Variants in HAPSTR1 observed in about 807,000 individuals in gnomAD.
HAPSTR1 encodes HUWE1-associated protein modifying stress responses 1.
chr16:9,112,573 C>G, the HAPSTR1 span: 2 of 152,312 alleles, frequency 1.3e-5, no homozygotes, highest in African/African-American at 4.8e-5. Flanking sequence ...GATGACTGGG[C>G]TGGCATTTGT....
the HAPSTR1 span, chr16:9,111,050 C>CA: frequency 0.68 from 103,054 of 152,194 alleles, 36,341 homozygotes; most frequent in African/African-American, 0.89. Context: ...AAAAACAAAA[C>CA]AAAAACCTGT....
chr16:9,103,962 G>C, the HAPSTR1 span: 1 of 152,178 alleles, frequency 6.6e-6, no homozygotes, highest in Admixed American at 6.5e-5. Flanking sequence ...CTTCCAAATA[G>C]AGCTGGGAGA....
At chr16:9,111,437 C>G in the HAPSTR1 span, 1 of 152,184 alleles carries the variant, frequency 6.6e-6, no homozygotes, top group Non-Finnish European at 1.5e-5. Flanking sequence ...TTTGTTCAAA[C>G]CAGCCCCTGA....
the HAPSTR1 span, among the ~76,000 whole-genome samples, chr16:9,097,366 T>C: frequency 6.6e-6 from 1 of 151,466 alleles, no homozygotes; most frequent in African/African-American, 2.4e-5. Flanking sequence ...CCTCAGCCAC[T>C]GAGTAGCTGG....
At chr16:9,116,929 C>A in the HAPSTR1 span, 3 of 1,611,738 alleles carry the variant, frequency 1.9e-6, no homozygotes, top group Non-Finnish European at 2.5e-6. Context: ...AACATTTTCA[C>A]ACCCACCATG....
the HAPSTR1 span, among the ~76,000 whole-genome samples, chr16:9,092,499 G>C: frequency 1.3e-5 from 2 of 152,128 alleles, no homozygotes; most frequent in African/African-American, 4.8e-5. Flanking sequence ...GCCCCGCTTT[G>C]GGGTGGTCCG....
At chr16:9,100,970 A>C in the HAPSTR1 span, among the ~76,000 whole-genome samples, 1 of 152,196 alleles carries the variant, frequency 6.6e-6, no homozygotes, top group Non-Finnish European at 1.5e-5. Flanking sequence ...AAATACCCTC[A>C]TTCTCTTCAG....
the HAPSTR1 span, chr16:9,105,401 C>T: frequency 2.6e-5 from 4 of 152,136 alleles, no homozygotes; most frequent in East Asian, 3.8e-4. Flanking sequence ...AGTAATAGGG[C>T]CCCTTGAAAG....
At chr16:9,111,066 T>C in the HAPSTR1 span, 1 of 152,202 alleles carries the variant, frequency 6.6e-6, no homozygotes, top group Non-Finnish European at 1.5e-5. Flanking sequence ...CCTGTTGGTA[T>C]AGTACGAAAG....
At chr16:9,115,145 G>A in the HAPSTR1 span, among the ~76,000 whole-genome samples, 1 of 152,292 alleles carries the variant, frequency 6.6e-6, no homozygotes, top group South Asian at 2.1e-4. Flanking sequence ...TGATAGTGGA[G>A]GCCATGGATT....
chr16:9,117,217 CAAAGGG>C, the HAPSTR1 span: 2 of 259,596 alleles, frequency 7.7e-6, no homozygotes, highest in Non-Finnish European at 1.5e-5. Flanking sequence ...TATTTATTCT[CAAAGGG>C]AAAGGAAATA....
chr16:9,102,131 TAATC>T, the HAPSTR1 span, among the ~76,000 whole-genome samples: 1 of 151,994 alleles, frequency 6.6e-6, no homozygotes, highest in Non-Finnish European at 1.5e-5. Flanking sequence ...TAAAACGAAA[TAATC>T]AAAGCCGGGA....
chr16:9,103,955 C>G, the HAPSTR1 span: 1 of 152,092 alleles, frequency 6.6e-6, no homozygotes, highest in Non-Finnish European at 1.5e-5. Context: ...ATACAGACTT[C>G]CAAATAGAGC....
At chr16:9,091,916 C>T in the HAPSTR1 span, 4 of 770,838 alleles carry the variant, frequency 5.2e-6, no homozygotes, top group Non-Finnish European at 7.4e-6. Flanking sequence ...GCCTGGGCCG[C>T]TGAAAGGAGA....
At chr16:9,092,266 C>T in the HAPSTR1 span, 1 of 1,547,398 alleles carries the variant, frequency 6.5e-7, no homozygotes, top group South Asian at 1.2e-5. Context: ...CCCAGCTCTA[C>T]AAAGGTGAGG....
the HAPSTR1 span, chr16:9,119,617 A>G: frequency 6.6e-6 from 1 of 152,254 alleles, no homozygotes; most frequent in African/African-American, 2.4e-5. Flanking sequence ...AAAGACCTGC[A>G]GTCAGATTCT....
the HAPSTR1 span, chr16:9,092,228 C>G: frequency 1.9e-6 from 3 of 1,585,524 alleles, no homozygotes; most frequent in African/African-American, 1.3e-5. Context: ...GCTGTGGCAC[C>G]TCTTCCAGAA....
the HAPSTR1 span, among the ~76,000 whole-genome samples, chr16:9,113,803 C>A: frequency 1.3e-5 from 2 of 152,050 alleles, no homozygotes; most frequent in Non-Finnish European, 2.9e-5. Context: ...TTTAGTCTTG[C>A]GGTAGAACTT....
chr16:9,095,250 C>G, the HAPSTR1 span, among the ~76,000 whole-genome samples: 1 of 152,124 alleles, frequency 6.6e-6, no homozygotes, highest in African/African-American at 2.4e-5. Context: ...GGATAATACT[C>G]TGGATAGCCT....
Sources: allele counts gnomAD v4.1 joint callset (sites outside exome capture counted in the v4.1 genomes callset), GRCh38; gene constraint gnomAD v4.1.1; transcripts MANE v1.5; gene names NCBI Gene and HGNC (gene_info 2026-07-23, HGNC 2026-07-21).